The following DLGAP1 variants were observed in gnomAD, a reference collection of about 807,000 sequenced individuals.
DLGAP1 encodes the protein DLG associated protein 1, also known as disks large-associated protein 1.
A neutral mutation model predicts 90.8 loss-of-function variants in DLGAP1; 11 were observed. That is an observed-to-expected ratio of 0.12 (90% CI 0.08 to 0.20). The LOEUF (loss-of-function observed/expected upper bound fraction) is 0.20. Among genes scored for constraint, DLGAP1 ranks in the 10% least tolerant of loss-of-function variants. DLGAP1 has a pLI of 1.00. For synonymous variants in DLGAP1, 558 were observed against 540.7 expected (o/e 1.03, Z -0.44); for missense variants, 1,050 against 1,333.8 (o/e 0.79, Z 3.31).
chr18:4,278,711 ATGTG>A (rs921686076), intron 1 of DLGAP1, among the ~76,000 whole-genome samples: 4 of 151,244 alleles, frequency 2.6e-5, no homozygotes, highest in Admixed American at 2.0e-4. Flanking sequence ...ATATATGTGC[ATGTG>A]TGTGTGTATA....
intron 3 of DLGAP1, among the ~76,000 whole-genome samples, chr18:3,996,606 A>T (rs914043360): frequency 1.3e-5 from 2 of 152,062 alleles, no homozygotes; most frequent in Non-Finnish European, 2.9e-5. Context: ...TGTTATATTT[A>T]GTACATGTTG....
Position 3,583,168 on chromosome 18 carries a change from A to ACCTTCCTTCCTT in DLGAP1, c.1592-921_1592-920insAAGGAAGGAAGG, listed in dbSNP as rs1223358564. Among the ~76,000 whole-genome samples, 259 of 127,020 alleles carry ACCTTCCTTCCTT rather than the reference A, an allele frequency of 2.0e-3. 4 individuals are homozygous for ACCTTCCTTCCTT. The highest frequency in any genetic ancestry group is 7.4e-3 in the African/African-American group (240 of 32,428). 83.3% of individuals were successfully genotyped at this position (127,020 alleles called of 152,430 possible). A position where few individuals can be genotyped will look rare whatever the true frequency, so the allele number is the denominator to read the frequency against. ...GACCTACCTACCTACCTACCTACCT[A>ACCTTCCTTCCTT]CCTACCTACCTACCTACCTTCCTTC... is the stretch of plus-strand genomic sequence containing the variant. On this transcript the variant is annotated intron_variant, in intron 7 of 12. Transcript: ENST00000315677.
intron 1 of DLGAP1, among the ~76,000 whole-genome samples, chr18:4,333,328 C>T (rs562175612): frequency 5.3e-5 from 8 of 152,002 alleles, no homozygotes; most frequent in South Asian, 2.1e-4. Flanking sequence ...CTAGCCTGTG[C>T]TTCTTCCCAT....
At chr18:3,689,322 C>T (rs1414857693) in intron 7 of DLGAP1, among the ~76,000 whole-genome samples, 1 of 152,082 alleles carries the variant, frequency 6.6e-6, no homozygotes, top group Non-Finnish European at 1.5e-5. Context: ...AAGTTAAAAA[C>T]CTGGCTGCCA....
At chr18:3,715,754 G>A (rs1454967920) in intron 7 of DLGAP1, among the ~76,000 whole-genome samples, 1 of 152,114 alleles carries the variant, frequency 6.6e-6, no homozygotes, top group Admixed American at 6.6e-5. Flanking sequence ...CTTGAGAGCT[G>A]AGCTTTTGTT....
intron 7 of DLGAP1, among the ~76,000 whole-genome samples, chr18:3,647,092 C>CA (rs1312980994): frequency 2.0e-5 from 3 of 151,764 alleles, no homozygotes; most frequent in Non-Finnish European, 2.9e-5. Flanking sequence ...CTACTAAATA[C>CA]AAAAAATTAG....
At chr18:4,153,005 T>C (rs1036856960) in intron 1 of DLGAP1, among the ~76,000 whole-genome samples, 3 of 152,254 alleles carry the variant, frequency 2.0e-5, no homozygotes, top group African/African-American at 4.8e-5. Context: ...GTCTGCTAGA[T>C]AGTACTCTTA....
chr18:3,557,846 G>C (rs1268479412), intron 9 of DLGAP1, among the ~76,000 whole-genome samples: 1 of 151,840 alleles, frequency 6.6e-6, no homozygotes, highest in African/African-American at 2.4e-5. Flanking sequence ...AGAGCTGCTT[G>C]AACCCAGGAG....
chr18:3,687,305 C>G (rs888493351), intron 7 of DLGAP1, among the ~76,000 whole-genome samples: 2 of 152,140 alleles, frequency 1.3e-5, no homozygotes, highest in South Asian at 4.1e-4. Context: ...GGTGCTTCAG[C>G]CTGTGGGTGC....
intron 7 of DLGAP1, chr18:3,708,434 T>A: frequency 2.2e-6 from 1 of 456,648 alleles, no homozygotes. Flanking sequence ...GCCTGAGTGG[T>A]ATCAGGGGTG....
At chr18:4,227,709 G>A (rs1448971253) in intron 1 of DLGAP1, among the ~76,000 whole-genome samples, 1 of 150,810 alleles carries the variant, frequency 6.6e-6, no homozygotes. Context: ...GTACTAAGAG[G>A]ACATTTTGTA....
intron 1 of DLGAP1, among the ~76,000 whole-genome samples, chr18:4,369,186 T>C (rs1322353279): frequency 2.0e-5 from 3 of 152,240 alleles, no homozygotes; most frequent in South Asian, 4.1e-4. Context: ...TAACTTTTCC[T>C]AGGTGTATGT....
intron 3 of DLGAP1, among the ~76,000 whole-genome samples, chr18:3,886,450 T>A (rs1034240813): frequency 6.6e-6 from 1 of 152,214 alleles, no homozygotes; most frequent in Non-Finnish European, 1.5e-5. Context: ...TAGTTATTTT[T>A]AAAAGTGCGA....
At chr18:4,019,215 C>T (rs370512550) in intron 2 of DLGAP1, among the ~76,000 whole-genome samples, 165 of 152,092 alleles carry the variant, frequency 1.1e-3, no homozygotes, top group African/African-American at 3.8e-3. Context: ...GACATTTTCC[C>T]GACATTATGC....
At chr18:3,547,766 G>A (rs1443678905) in intron 9 of DLGAP1, among the ~76,000 whole-genome samples, 2 of 152,094 alleles carry the variant, frequency 1.3e-5, no homozygotes, top group Non-Finnish European at 2.9e-5. Flanking sequence ...TAAAACAGAT[G>A]TTCAAAGACT....
In DLGAP1 at chr18:3,779,182, G is replaced by A. The variant is rs533363586; in HGVS notation, c.1172+34877C>T. Among the ~76,000 whole-genome samples the A allele has an allele frequency of 9.2e-5, 14 of 152,216 alleles. No individual in the cohort carries two copies. The Middle Eastern group carries it at 0.01, about 111-fold the overall frequency. On this transcript the variant is annotated intron_variant, in intron 5 of 12. Coordinates refer to ENST00000315677, the MANE Select transcript of DLGAP1 (RefSeq NM_004746.4). Reference sequence around the variant, plus strand: ...TAGAGTTCTCCTGTCCTGTCTCCCTGTATCTCTCTGCATGGAAGGATTAAT... The same window carrying A: ...TAGAGTTCTCCTGTCCTGTCTCCCTATATCTCTCTGCATGGAAGGATTAAT...
At chr18:3,528,257 G>A (rs186473425) in intron 10 of DLGAP1, among the ~76,000 whole-genome samples, 1 of 152,138 alleles carries the variant, frequency 6.6e-6, no homozygotes, top group Non-Finnish European at 1.5e-5. Flanking sequence ...TTTCTGGTGT[G>A]CACAGAATTA....
chr18:4,144,010 C>T (rs1274745387), intron 2 of DLGAP1, among the ~76,000 whole-genome samples: 4 of 152,156 alleles, frequency 2.6e-5, no homozygotes, highest in African/African-American at 9.7e-5. Flanking sequence ...ACTCTTCCTT[C>T]TCCTCTCCTC....
intron 7 of DLGAP1, among the ~76,000 whole-genome samples, chr18:3,707,164 T>G (rs2061460207): frequency 1.3e-5 from 2 of 152,216 alleles, no homozygotes; most frequent in Non-Finnish European, 2.9e-5. Flanking sequence ...ATACAGTTTA[T>G]ATCTTAATAT....
Sources: gnomAD v4.1 joint callset for allele counts (sites outside exome capture counted in the v4.1 genomes callset) on GRCh38, gnomAD v4.1.1 for gene constraint, MANE v1.5 for transcripts, NCBI Gene and HGNC (gene_info 2026-07-23, HGNC 2026-07-21) for gene names.